DEUP1: variants seen among roughly 807,000 people sequenced by gnomAD.
The protein encoded by DEUP1 is coiled-coil domain containing 67.
A neutral mutation model predicts 87.4 loss-of-function variants in DEUP1; 82 were observed. That is an observed-to-expected ratio of 0.94 (90% CI 0.78 to 1.13). DEUP1 has a LOEUF of 1.13. Among genes scored for constraint, DEUP1 ranks in the 50% most tolerant of loss-of-function variants. The probability of loss-of-function intolerance (pLI) is 0.00; values close to 1 mark genes in which losing one functional copy is unlikely to be tolerated. For missense variants in DEUP1, 663 were observed against 681.5 expected (o/e 0.97, Z 0.30); for synonymous variants, 214 against 222.7 (o/e 0.96, Z 0.35).
At chr11:93,333,486 G>A (rs920743687) in intron 2 of DEUP1, among the ~76,000 whole-genome samples, 4 of 152,128 alleles carry the variant, frequency 2.6e-5, no homozygotes, top group African/African-American at 7.2e-5. Context: ...GGCAGGTCTC[G>A]CTTCTGTTCA....
intron 12 of DEUP1, 31 bp from the exon 13 acceptor site, chr11:93,414,969 G>GCAA (rs751185647): frequency 4.5e-5 from 56 of 1,242,326 alleles, no homozygotes; most frequent in Middle Eastern, 2.0e-4. Flanking sequence ...GTCCTTGATA[G>GCAA]CAACAACAAC....
intron 7 of DEUP1, among the ~76,000 whole-genome samples, chr11:93,383,129 TAAGA>T (rs1038027614): frequency 6.6e-6 from 1 of 152,170 alleles, no homozygotes; most frequent in African/African-American, 2.4e-5. Context: ...AATTAATAAA[TAAGA>T]AAGCATATGT....
intron 7 of DEUP1, among the ~76,000 whole-genome samples, chr11:93,371,839 T>C (rs1286770780): frequency 1.3e-5 from 2 of 152,242 alleles, no homozygotes; most frequent in African/African-American, 4.8e-5. Context: ...TAATGTTTTT[T>C]TCTTTTTTGT....
chr11:93,420,118 G>C (rs557218892), intron 13 of DEUP1, among the ~76,000 whole-genome samples: 2 of 152,062 alleles, frequency 1.3e-5, no homozygotes, highest in Non-Finnish European at 1.5e-5. Flanking sequence ...CCAAATAAGA[G>C]AATTTTAGAC....
At chr11:93,340,216 A>C (rs1253370288) in intron 2 of DEUP1, among the ~76,000 whole-genome samples, 1 of 152,216 alleles carries the variant, frequency 6.6e-6, no homozygotes, top group Non-Finnish European at 1.5e-5. Context: ...AGAGAGTTAC[A>C]GAGTAAATCT....
chr11:93,375,707 T>C (rs1390417279), intron 7 of DEUP1, among the ~76,000 whole-genome samples: 1 of 152,316 alleles, frequency 6.6e-6, no homozygotes, highest in East Asian at 1.9e-4. Context: ...CCAGGGTTTT[T>C]GCATCTATGT....
At chr11:93,361,960 TAAAG>T (rs1055940439) in intron 4 of DEUP1, among the ~76,000 whole-genome samples, 13 of 152,122 alleles carry the variant, frequency 8.5e-5, no homozygotes, top group African/African-American at 3.1e-4. Flanking sequence ...GATAATTCAA[TAAAG>T]AAAGATTAGT....
chr11:93,332,336 C>A, intron 2 of DEUP1, 48 bp downstream of exon 2: 1 of 1,481,050 alleles, frequency 6.8e-7, no homozygotes, highest in Non-Finnish European at 9.3e-7. Flanking sequence ...TTAACTGTGC[C>A]AAAAACTTCC....
chr11:93,437,594 C>T lies in DEUP1; in HGVS notation c.1690C>T (p.Leu564=), dbSNP rs751140630. The T allele has an allele frequency of 3.7e-6, 6 of 1,613,522 alleles. No homozygotes were observed. The highest frequency in any genetic ancestry group is 1.7e-5 in the Admixed American group (1 of 59,988). The change falls in exon 14 of 14, where the codon CTG becomes TTG. Residue 564 remains leucine, a synonymous_variant. Transcript: ENST00000298050. ...PASLAAQHFL[L]EEEKRAKELE... ...ATCTTTGGCTGCACAGCATTTCCTT[C>T]TGGAAGAAGAGAAACGAGCAAAAGA... is the stretch of plus-strand genomic sequence containing the variant.
At position 93,333,982 on chromosome 11, in the gene DEUP1, G is replaced by T. The variant is rs547095294; in HGVS notation, c.29+1694G>T. ...TCACTCCTACAAATCCAAGGCCATG[G>T]AGTCATTTAAGAAACAGACCTTGTC... On this transcript the variant is annotated intron_variant, in intron 2 of 13. Coordinates refer to ENST00000298050, the MANE Select transcript of DEUP1 (RefSeq NM_181645.4). Among the ~76,000 whole-genome samples the T allele has an allele frequency of 2.6e-5, 4 of 152,308 alleles. No individual in the cohort carries two copies. The South Asian group carries it at 8.3e-4, about 32-fold the overall frequency.
intron 13 of DEUP1, among the ~76,000 whole-genome samples, chr11:93,430,143 C>A (rs1278637547): frequency 6.6e-6 from 1 of 152,306 alleles, no homozygotes; most frequent in African/African-American, 2.4e-5. Context: ...TCTCCTGCCA[C>A]CCTCTGGCTA....
At chr11:93,414,737 G>C (rs777105857) in intron 12 of DEUP1, among the ~76,000 whole-genome samples, 11 of 152,106 alleles carry the variant, frequency 7.2e-5, no homozygotes, top group African/African-American at 9.7e-5. Flanking sequence ...CACAGAAAGG[G>C]AAGCAATATA....
intron 13 of DEUP1, among the ~76,000 whole-genome samples, chr11:93,435,869 G>A (rs544442166): frequency 1.2e-3 from 179 of 152,030 alleles, no homozygotes; most frequent in African/African-American, 3.7e-3. Context: ...GGTGGCGGGC[G>A]CCTGTAGTCC....
intron 2 of DEUP1, among the ~76,000 whole-genome samples, chr11:93,346,038 T>C (rs561605260): frequency 4.3e-4 from 66 of 152,272 alleles, no homozygotes; most frequent in African/African-American, 1.6e-3. Context: ...TTGTATATGG[T>C]GTAAGGAAGG....
chr11:93,366,165 CAA>C (rs1945405838), intron 5 of DEUP1, among the ~76,000 whole-genome samples: 1 of 151,924 alleles, frequency 6.6e-6, no homozygotes, highest in Admixed American at 6.6e-5. Flanking sequence ...AATATACCAA[CAA>C]AAAAGGGTGA....
chr11:93,355,248 C>G (rs1944840959), intron 2 of DEUP1, 123 bp from the exon 3 acceptor site: 2 of 870,916 alleles, frequency 2.3e-6, no homozygotes, highest in South Asian at 1.8e-5. Context: ...TGAACTTATT[C>G]CTATTTAAAT....
At chr11:93,407,344 T>G (rs1947309502) in intron 11 of DEUP1, among the ~76,000 whole-genome samples, 1 of 152,178 alleles carries the variant, frequency 6.6e-6, no homozygotes, top group Non-Finnish European at 1.5e-5. Context: ...GGCTTTACCT[T>G]ACAGCCTACG....
At chr11:93,434,372 C>T (rs542495869) in intron 13 of DEUP1, among the ~76,000 whole-genome samples, 2 of 152,244 alleles carry the variant, frequency 1.3e-5, no homozygotes, top group South Asian at 4.1e-4. Flanking sequence ...AATGTCCATG[C>T]CCTTATTAGG....
At chr11:93,345,106 G>C (rs1334600415) in intron 2 of DEUP1, among the ~76,000 whole-genome samples, 7 of 152,080 alleles carry the variant, frequency 4.6e-5, no homozygotes, top group African/African-American at 1.7e-4. Context: ...GAGAACATGT[G>C]ACATTTAGTT....
Sources: gnomAD v4.1 joint callset for allele counts (sites outside exome capture counted in the v4.1 genomes callset) on GRCh38, gnomAD v4.1.1 for gene constraint, MANE v1.5 for transcripts, NCBI Gene and HGNC (gene_info 2026-07-23, HGNC 2026-07-21) for gene names.